The following CNTNAP2 variants were observed in gnomAD, a reference collection of about 807,000 sequenced individuals.
CNTNAP2 encodes the protein contactin associated protein 2, also known as contactin-associated protein-like 2.
In CNTNAP2, 98 loss-of-function variants were observed where a neutral mutation model predicts 155.2. The observed-to-expected ratio is 0.63, with a 90% confidence interval of 0.54 to 0.75. The LOEUF (loss-of-function observed/expected upper bound fraction) is 0.75. CNTNAP2 is among the 30% of genes least tolerant of loss of function. The pLI, the probability that CNTNAP2 is intolerant of heterozygous loss-of-function variation, is 0.00. For missense variants in CNTNAP2, 1,727 were observed against 1,688.1 expected, an observed-to-expected ratio of 1.02 and a Z score of -0.40; for synonymous variants, 651 against 631.2, an observed-to-expected ratio of 1.03 and a Z score of -0.47.
At chr7:146,530,234 A>G (rs937644291) in intron 1 of CNTNAP2, among the ~76,000 whole-genome samples, 3 of 152,136 alleles carry the variant, frequency 2.0e-5, no homozygotes, top group Non-Finnish European at 4.4e-5. Flanking sequence ...TCAACTCAAG[A>G]TGGATTAAAG....
At chr7:148,237,639 A>G (rs1445951561) in intron 20 of CNTNAP2, among the ~76,000 whole-genome samples, 1 of 152,248 alleles carries the variant, frequency 6.6e-6, no homozygotes, top group Non-Finnish European at 1.5e-5. Context: ...GTAACATCAA[A>G]TGGTCTGAAG....
intron 20 of CNTNAP2, among the ~76,000 whole-genome samples, chr7:148,244,566 GT>G (rs11343242): frequency 0.43 from 60,702 of 141,906 alleles, 13,001 homozygotes; most frequent in East Asian, 0.63. Flanking sequence ...TGTGTTTTGG[GT>G]TTTTTTTTTT....
chr7:146,572,540 C>G (rs1048383507), intron 1 of CNTNAP2, among the ~76,000 whole-genome samples: 1 of 152,078 alleles, frequency 6.6e-6, no homozygotes, highest in Non-Finnish European at 1.5e-5. Flanking sequence ...CAGGAAAGTG[C>G]GCATATTTGC....
intron 1 of CNTNAP2, among the ~76,000 whole-genome samples, chr7:146,281,236 A>C (rs1004460413): frequency 1.3e-5 from 2 of 152,226 alleles, no homozygotes; most frequent in African/African-American, 4.8e-5. Flanking sequence ...ACAGAGGTGT[A>C]AAAAATTGAT....
chr7:148,107,887 C>T (rs1280969349), intron 15 of CNTNAP2, among the ~76,000 whole-genome samples: 1 of 152,226 alleles, frequency 6.6e-6, no homozygotes, highest in African/African-American at 2.4e-5. Flanking sequence ...GGTGCAGCCC[C>T]AGTGTGAGCC....
intron 1 of CNTNAP2, among the ~76,000 whole-genome samples, chr7:146,613,238 C>T (rs1007739737): frequency 2.6e-5 from 4 of 152,120 alleles, no homozygotes; most frequent in Non-Finnish European, 4.4e-5. Flanking sequence ...TTTTTATGAA[C>T]ACAGGTCATC....
chr7:147,528,301 G>T (rs538018001), intron 11 of CNTNAP2, among the ~76,000 whole-genome samples: 1 of 152,196 alleles, frequency 6.6e-6, no homozygotes, highest in African/African-American at 2.4e-5. Context: ...GACTGCATGG[G>T]TTAGGGTAGT....
intron 3 of CNTNAP2, among the ~76,000 whole-genome samples, chr7:146,876,867 C>T (rs1234015204): frequency 6.6e-6 from 1 of 152,250 alleles, no homozygotes; most frequent in East Asian, 1.9e-4. Context: ...ATTTTTTCCT[C>T]TGTCATACCC....
chr7:148,154,360 T>C (rs1208999220), intron 17 of CNTNAP2, among the ~76,000 whole-genome samples: 1 of 152,162 alleles, frequency 6.6e-6, no homozygotes, highest in East Asian at 1.9e-4. Flanking sequence ...TAAATGGACG[T>C]ATAAGCAACT....
At chr7:147,012,594 G>C (rs913088002) in intron 3 of CNTNAP2, among the ~76,000 whole-genome samples, 3 of 152,100 alleles carry the variant, frequency 2.0e-5, no homozygotes, top group Admixed American at 2.0e-4. Flanking sequence ...ATTAATTTTA[G>C]AGAGTTTTAA....
chr7:146,500,034 GTT>G (rs894968454), intron 1 of CNTNAP2, among the ~76,000 whole-genome samples: 1 of 151,954 alleles, frequency 6.6e-6, no homozygotes, highest in African/African-American at 2.4e-5. Flanking sequence ...TATTGCTAGT[GTT>G]TTTTTATATT....
At chr7:146,608,140 G>C (rs961337512) in intron 1 of CNTNAP2, among the ~76,000 whole-genome samples, 1 of 152,120 alleles carries the variant, frequency 6.6e-6, no homozygotes, top group Non-Finnish European at 1.5e-5. Flanking sequence ...AGTATTTCTT[G>C]ATCATGGCAG....
rs537736738 is a variant in CNTNAP2, at chr7:146,307,044, C to T, written c.97+190071C>T. ...TAGGAAAAGAGGAAGTCAAATTGTC[C>T]CTGTTTGCAGATGACATGATTGTAT... On this transcript the variant is annotated intron_variant, in intron 1 of 23. Transcript: ENST00000361727. Among the ~76,000 whole-genome samples the T allele has an allele frequency of 1.1e-4, 16 of 152,162 alleles. 1 individual carries two copies. Among genetic ancestry groups the T allele is most frequent in the African/African-American group, 3.9e-4 (16 of 41,528 alleles).
intron 19 of CNTNAP2, among the ~76,000 whole-genome samples, chr7:148,221,973 G>C (rs901584347): frequency 5.3e-5 from 8 of 152,228 alleles, no homozygotes; most frequent in African/African-American, 1.9e-4. Flanking sequence ...AATGGTACCA[G>C]GGTAAATGGA....
intron 1 of CNTNAP2, among the ~76,000 whole-genome samples, chr7:146,184,197 G>A (rs1186831081): frequency 6.6e-6 from 1 of 152,112 alleles, no homozygotes; most frequent in African/African-American, 2.4e-5. Flanking sequence ...ACTGAACTTT[G>A]CAACTCTCAT....
chr7:146,239,760 C>T (rs978629192), intron 1 of CNTNAP2, among the ~76,000 whole-genome samples: 1 of 152,118 alleles, frequency 6.6e-6, no homozygotes, highest in Non-Finnish European at 1.5e-5. Flanking sequence ...TATGAATGCA[C>T]CTTGTAAATA....
intron 15 of CNTNAP2, among the ~76,000 whole-genome samples, chr7:148,007,818 C>T (rs1416388804): frequency 3.3e-5 from 5 of 152,090 alleles, no homozygotes; most frequent in Admixed American, 1.3e-4. Flanking sequence ...ATATATGACA[C>T]AATAAAATGT....
intron 2 of CNTNAP2, among the ~76,000 whole-genome samples, chr7:146,792,808 G>T (rs1802697576): frequency 6.6e-6 from 1 of 152,150 alleles, no homozygotes; most frequent in Non-Finnish European, 1.5e-5. Flanking sequence ...AAAGAAAATA[G>T]ATACTTGTCT....
chr7:146,209,553 G>A (rs1312614304), intron 1 of CNTNAP2, among the ~76,000 whole-genome samples: 1 of 152,104 alleles, frequency 6.6e-6, no homozygotes, highest in Non-Finnish European at 1.5e-5. Flanking sequence ...GAGTTCACAA[G>A]ACTAATATTT....
Sources: allele counts gnomAD v4.1 joint callset (sites outside exome capture counted in the v4.1 genomes callset), GRCh38; gene constraint gnomAD v4.1.1; transcripts MANE v1.5; gene names NCBI Gene and HGNC (gene_info 2026-07-23, HGNC 2026-07-21).